ARHGEF3: variants seen among roughly 807,000 people sequenced by gnomAD.
ARHGEF3 encodes the protein Rho guanine nucleotide exchange factor 3.
In ARHGEF3, 28 loss-of-function variants were observed where a neutral mutation model predicts 63.2. That is an observed-to-expected ratio of 0.44 (90% confidence interval 0.33 to 0.61). ARHGEF3 has a LOEUF of 0.61. Among genes scored for constraint, ARHGEF3 ranks in the 20% least tolerant of loss-of-function variants. ARHGEF3 has a pLI of 0.03. For missense variants in ARHGEF3, 533 were observed against 659.3 expected (o/e 0.81, Z 2.10); for synonymous variants, 266 against 254.2 (o/e 1.05, Z -0.44).
intron 1 of ARHGEF3, among the ~76,000 whole-genome samples, chr3:56,780,895 T>C (rs1465594142): frequency 6.6e-6 from 1 of 152,218 alleles, no homozygotes; most frequent in Admixed American, 6.5e-5. Context: ...GTCTTATGGA[T>C]TGAATTATGC....
chr3:56,968,998 C>T (rs1037713695), intron 2 of ARHGEF3, among the ~76,000 whole-genome samples: 4 of 152,158 alleles, frequency 2.6e-5, no homozygotes, highest in African/African-American at 7.2e-5. Context: ...AGAACCCCTG[C>T]TAAAAACGAC....
rs1705396903 is a variant in ARHGEF3, at chr3:57,064,209, C to T, written c.-28+15017G>A. 1.3e-5 allele frequency among the ~76,000 whole-genome samples: 2 copies of T among 152,152 alleles called. 1 individual carries two copies. Among genetic ancestry groups the T allele is most frequent in the Admixed American group, 1.3e-4 (2 of 15,272 alleles). On this transcript the variant is annotated intron_variant, in intron 1 of 12. Transcript: ENST00000338458. Reference sequence around the variant, plus strand: ...GCTTGAGCCTGGGGGGTAGAGGTTGCAGTGAGCTGAGATTGTGCCACTGCA... The same window carrying T: ...GCTTGAGCCTGGGGGGTAGAGGTTGTAGTGAGCTGAGATTGTGCCACTGCA...
chr3:56,750,986 C>G (rs773820682), intron 6 of ARHGEF3, 70 bp downstream of exon 6: 7 of 1,083,646 alleles, frequency 6.5e-6, no homozygotes, highest in Non-Finnish European at 8.9e-6. Flanking sequence ...TAAAAAAAGT[C>G]TAGCTAAAAT....
At chr3:56,968,770 C>T (rs1055619031) in intron 2 of ARHGEF3, among the ~76,000 whole-genome samples, 33 of 152,082 alleles carry the variant, frequency 2.2e-4, no homozygotes, top group African/African-American at 7.7e-4. Context: ...TTTTTTCATA[C>T]CAAGCCTTCA....
chr3:57,046,111 T>C (rs925945986), intron 1 of ARHGEF3, among the ~76,000 whole-genome samples: 6 of 152,134 alleles, frequency 3.9e-5, no homozygotes, highest in Admixed American at 3.9e-4. Context: ...TTAGAGACAA[T>C]TTACAATTCA....
At chr3:57,014,591 T>C (rs1291889460) in intron 2 of ARHGEF3, among the ~76,000 whole-genome samples, 6 of 152,238 alleles carry the variant, frequency 3.9e-5, no homozygotes, top group African/African-American at 1.4e-4. Context: ...TTCTTTATAG[T>C]TTTCTAAACT....
intron 1 of ARHGEF3, among the ~76,000 whole-genome samples, chr3:57,038,779 G>A (rs532365759): frequency 2.0e-4 from 31 of 152,278 alleles, no homozygotes; most frequent in African/African-American, 7.5e-4. Context: ...AGCCACTGCT[G>A]ACTCAGTGCC....
At chr3:56,987,056 G>GA (rs1200438847) in intron 2 of ARHGEF3, among the ~76,000 whole-genome samples, 7 of 151,910 alleles carry the variant, frequency 4.6e-5, no homozygotes, top group African/African-American at 1.5e-4. Flanking sequence ...TACAAAAATT[G>GA]AAAAAATTAG....
intron 4 of ARHGEF3, among the ~76,000 whole-genome samples, chr3:56,821,850 G>C (rs1038922418): frequency 2.6e-5 from 4 of 152,008 alleles, no homozygotes; most frequent in African/African-American, 9.7e-5. Flanking sequence ...TGTAGTACTA[G>C]GTACTCGGGA....
At chr3:56,979,480 A>G (rs994174333) in intron 2 of ARHGEF3, among the ~76,000 whole-genome samples, 12 of 152,306 alleles carry the variant, frequency 7.9e-5, no homozygotes, top group African/African-American at 2.6e-4. Context: ...AAGATGCCAC[A>G]CCTTCCCAAG....
chr3:57,066,461 C>T (rs1313452159), intron 1 of ARHGEF3, among the ~76,000 whole-genome samples: 6 of 152,172 alleles, frequency 3.9e-5, no homozygotes, highest in Non-Finnish European at 7.4e-5. Context: ...CGGGGTTTCA[C>T]CATGTTGGCT....
intron 2 of ARHGEF3, among the ~76,000 whole-genome samples, chr3:56,760,340 G>T (rs904932662): frequency 6.6e-6 from 1 of 151,794 alleles, no homozygotes; most frequent in Non-Finnish European, 1.5e-5. Flanking sequence ...TTTGTGTTTT[G>T]AAGGTAAGAT....
rs149480114 is a variant in ARHGEF3 at position 56,868,291 on chromosome 3, C to T, written c.192+14001G>A. Among the ~76,000 whole-genome samples the T allele has an allele frequency of 5.5e-4, 83 of 152,236 alleles. No individual in the cohort carries two copies. The East Asian group carries it at 0.012, about 23-fold the overall frequency. On this transcript the variant is annotated intron_variant, in intron 4 of 12. Transcript: ENST00000338458. ...TACATAAAATAAAGTGAAGCACCTTCCCGACTGAACCTTTGAGTTAACCAG... is the reference window on the plus strand; with the variant it reads ...TACATAAAATAAAGTGAAGCACCTTTCCGACTGAACCTTTGAGTTAACCAG...
chr3:56,769,740 C>T (rs769652660), intron 2 of ARHGEF3, among the ~76,000 whole-genome samples: 9 of 152,194 alleles, frequency 5.9e-5, no homozygotes, highest in Non-Finnish European at 1.2e-4. Context: ...GATTAGAGCA[C>T]CTTATTTGGG....
At chr3:56,754,508 C>G (rs2034949370) in intron 3 of ARHGEF3, among the ~76,000 whole-genome samples, 1 of 152,130 alleles carries the variant, frequency 6.6e-6, no homozygotes, top group South Asian at 2.1e-4. Flanking sequence ...CAGCCTGGCA[C>G]AAGCACTTAA....
chr3:56,869,565 T>C (rs1402959927), intron 4 of ARHGEF3, among the ~76,000 whole-genome samples: 1 of 152,166 alleles, frequency 6.6e-6, no homozygotes, highest in African/African-American at 2.4e-5. Flanking sequence ...AGGGCAAAAG[T>C]CAACATATCT....
intron 2 of ARHGEF3, among the ~76,000 whole-genome samples, chr3:56,758,713 C>T (rs1335078656): frequency 6.6e-6 from 1 of 152,172 alleles, no homozygotes; most frequent in African/African-American, 2.4e-5. Context: ...CTCTTAAAAA[C>T]AGTCCCTTGT....
intron 2 of ARHGEF3, among the ~76,000 whole-genome samples, chr3:56,981,673 CAGCTGACCACCCTCATTT>C (rs1191739031): frequency 1.3e-5 from 2 of 152,174 alleles, no homozygotes; most frequent in East Asian, 3.8e-4. Flanking sequence ...CTCAGAGAAC[CAGCTGACCACCCTCATTT>C]AGGGACTGGA....
chr3:56,839,775 CTAGAAAGCTACCCTCCTT>C (rs1210668667), intron 4 of ARHGEF3, among the ~76,000 whole-genome samples: 1 of 152,120 alleles, frequency 6.6e-6, no homozygotes, highest in African/African-American at 2.4e-5. Context: ...TGCTTTGACC[CTAGAAAGCTACCCTCCTT>C]TAGAACCTGA....
Sources: gnomAD v4.1 joint callset for allele counts (sites outside exome capture counted in the v4.1 genomes callset) on GRCh38, gnomAD v4.1.1 for gene constraint, MANE v1.5 for transcripts, NCBI Gene and HGNC (gene_info 2026-07-23, HGNC 2026-07-21) for gene names.